MAP3K13: variants seen among roughly 807,000 people sequenced by gnomAD.
MAP3K13 encodes the protein leucine zipper-bearing kinase.
In MAP3K13, 52 loss-of-function variants were observed where a neutral mutation model predicts 104.0. The ratio of observed to expected loss-of-function variants is 0.50; its 90% CI spans 0.40 to 0.63. The LOEUF is 0.63. MAP3K13 is among the 20% of genes least tolerant of loss of function. The pLI, the probability that MAP3K13 is intolerant of heterozygous loss-of-function variation, is 0.00. For missense variants in MAP3K13, 914 were observed against 1,218.5 expected (o/e 0.75, Z 3.72); for synonymous variants, 394 against 442.2 (o/e 0.89, Z 1.37).
At chr3:185,321,178 CAT>C (rs926693651) in intron 2 of MAP3K13, among the ~76,000 whole-genome samples, 12 of 149,396 alleles carry the variant, frequency 8.0e-5, no homozygotes, top group African/African-American at 2.3e-4. Context: ...CGTGCACACA[CAT>C]ATACACATGT....
At chr3:185,356,750 G>A (rs1468317842) in intron 2 of MAP3K13, among the ~76,000 whole-genome samples, 2 of 152,224 alleles carry the variant, frequency 1.3e-5, no homozygotes, top group African/African-American at 4.8e-5. Context: ...CTTGTGCCAC[G>A]TGCTCACTCT....
chr3:185,348,815 G>A (rs1483426522), intron 2 of MAP3K13, among the ~76,000 whole-genome samples: 1 of 152,206 alleles, frequency 6.6e-6, no homozygotes, highest in African/African-American at 2.4e-5. Flanking sequence ...TACTCAGGAG[G>A]CTGAGGCAGG....
Position 185,423,088 on chromosome 3 carries a change from T to C in MAP3K13, c.-85-5409T>C, listed in dbSNP as rs145386783. On this transcript the variant is annotated intron_variant, in intron 1 of 13. Transcript: ENST00000265026. This position sits in a 1 kb window ranked among gnomAD's most constrained non-coding sequence, Gnocchi z 4.1. ...CCCATCACCCCCAGATAGGACTGTC[T>C]AGTTGCAGGAAAACAAGCTCAGGGC... 6.5e-3 allele frequency among the ~76,000 whole-genome samples: 984 copies of C among 152,320 alleles called. 12 individuals are homozygous for C. The highest frequency in any genetic ancestry group is 0.022 in the African/African-American group (922 of 41,572).
intron 1 of MAP3K13, among the ~76,000 whole-genome samples, chr3:185,364,191 G>A (rs1434560234): frequency 1.3e-5 from 2 of 152,298 alleles, no homozygotes; most frequent in Middle Eastern, 3.4e-3. Flanking sequence ...GTTCTGATAT[G>A]TTCCATGTAT....
intron 1 of MAP3K13, among the ~76,000 whole-genome samples, chr3:185,390,718 G>C (rs1400619120): frequency 6.7e-6 from 1 of 149,738 alleles, no homozygotes; most frequent in Non-Finnish European, 1.5e-5. Context: ...CTGCCTCCCA[G>C]GTTCAAGTGA....
At chr3:185,314,247 T>TAA (rs552692869) in intron 2 of MAP3K13, among the ~76,000 whole-genome samples, 1 of 151,770 alleles carries the variant, frequency 6.6e-6, no homozygotes, top group Non-Finnish European at 1.5e-5. Flanking sequence ...ATAAAAGTGG[T>TAA]AAAAAAAAAT....
At chr3:185,451,893 A>G (rs1344732456) in intron 7 of MAP3K13, among the ~76,000 whole-genome samples, 1 of 151,876 alleles carries the variant, frequency 6.6e-6, no homozygotes, top group Non-Finnish European at 1.5e-5. Flanking sequence ...GAAAAAAGAA[A>G]GAAAGAAAAG....
rs373469838 is a variant in MAP3K13 at position 185,427,223 on chromosome 3, G to A, written c.-85-1274G>A. 3.1e-3 allele frequency among the ~76,000 whole-genome samples: 475 copies of A among 151,750 alleles called. 6 individuals carry two copies. Among genetic ancestry groups the A allele is most frequent in the African/African-American group, 0.011 (441 of 41,382 alleles). ...CAAAAAAAAAAAAAAAATTAGCTGG[G>A]CGTGGTGGTGCGTGCCTGTAATCCC... On this transcript the variant is annotated intron_variant, in intron 1 of 13. Transcript: ENST00000265026.
At chr3:185,400,909 T>TG (rs1455708923) in intron 1 of MAP3K13, among the ~76,000 whole-genome samples, 1 of 146,448 alleles carries the variant, frequency 6.8e-6, no homozygotes, top group South Asian at 2.1e-4. Context: ...TTGTTTGTTT[T>TG]TTTTTTTTTT....
At chr3:185,457,501 G>T (rs1480120867) in intron 7 of MAP3K13, among the ~76,000 whole-genome samples, 9 of 152,142 alleles carry the variant, frequency 5.9e-5, no homozygotes, top group Admixed American at 5.9e-4. Flanking sequence ...GAGGTGGAAG[G>T]GTGAACAAGC....
At chr3:185,380,647 T>A (rs1724670941) in intron 1 of MAP3K13, among the ~76,000 whole-genome samples, 1 of 152,034 alleles carries the variant, frequency 6.6e-6, no homozygotes, top group Admixed American at 6.6e-5. Flanking sequence ...ATTTCAGGAA[T>A]CCTTGATTTA....
At chr3:185,376,417 C>T (rs936975634) in intron 1 of MAP3K13, among the ~76,000 whole-genome samples, 4 of 152,100 alleles carry the variant, frequency 2.6e-5, no homozygotes, top group Admixed American at 6.5e-5. Context: ...TGCACGCAGA[C>T]GTGAGGGCTA....
chr3:185,459,774 G>A (rs1195396444), intron 7 of MAP3K13, among the ~76,000 whole-genome samples: 2 of 152,050 alleles, frequency 1.3e-5, no homozygotes, highest in African/African-American at 4.8e-5. Context: ...TTGAATGCAT[G>A]ACTCAGTGGC....
At chr3:185,402,488 CTGTT>C (rs1301052916) in intron 1 of MAP3K13, among the ~76,000 whole-genome samples, 1 of 152,068 alleles carries the variant, frequency 6.6e-6, no homozygotes, top group Non-Finnish European at 1.5e-5. Flanking sequence ...AAATTTAAGT[CTGTT>C]TAAGAAGTCA....
At chr3:185,395,874 C>T (rs975543832) in intron 1 of MAP3K13, among the ~76,000 whole-genome samples, 6 of 151,746 alleles carry the variant, frequency 4.0e-5, no homozygotes, top group East Asian at 2.0e-4. Flanking sequence ...GACAGGGTTT[C>T]GCCATGTTGC....
At position 185,479,706 on chromosome 3, in the gene MAP3K13, G is replaced by A. The variant is rs6768343; in HGVS notation, c.2502-526G>A. On this transcript the variant is annotated intron_variant, in intron 12 of 13. Coordinates refer to ENST00000265026, the MANE Select transcript of MAP3K13 (RefSeq NM_004721.5). ...TGGGCTGCCATAACAAAATACTACA[G>A]ATTGGATGGCTTAAACAACAGGAAC... Among the ~76,000 whole-genome samples the A allele has an allele frequency of 3.0e-3, 460 of 152,320 alleles. 5 individuals are homozygous for A. Among genetic ancestry groups the A allele is most frequent in the African/African-American group, 0.01 (427 of 41,570 alleles).
chr3:185,468,204 C>T (rs550883376), intron 10 of MAP3K13, among the ~76,000 whole-genome samples: 31 of 152,258 alleles, frequency 2.0e-4, no homozygotes, highest in Non-Finnish European at 4.3e-4. Flanking sequence ...TATCACTCAT[C>T]ATGGAAACAA....
intron 1 of MAP3K13, among the ~76,000 whole-genome samples, chr3:185,390,040 C>T (rs111654835): frequency 7.3e-4 from 111 of 152,034 alleles, no homozygotes; most frequent in African/African-American, 2.4e-3. Context: ...ATAGTGGCCA[C>T]GGGGGATCTC....
At chr3:185,314,783 A>G (rs75982857) in intron 2 of MAP3K13, among the ~76,000 whole-genome samples, 1 of 152,054 alleles carries the variant, frequency 6.6e-6, no homozygotes, top group African/African-American at 2.4e-5. Flanking sequence ...CACTACAGGT[A>G]CACACCACCA....
Sources: allele counts gnomAD v4.1 joint callset (sites outside exome capture counted in the v4.1 genomes callset), GRCh38; gene constraint gnomAD v4.1.1; non-coding constraint Gnocchi (gnomAD v3.1); transcripts MANE v1.5; gene names NCBI Gene and HGNC (gene_info 2026-07-23, HGNC 2026-07-21).